The following DLG2 variants were observed in gnomAD, a reference collection of about 807,000 sequenced individuals.
DLG2 encodes discs large MAGUK scaffold protein 2, also known as disks large homolog 2.
In DLG2, 45 loss-of-function variants were observed where a neutral mutation model predicts 132.5. The ratio of observed to expected loss-of-function variants is 0.34; its 90% CI spans 0.27 to 0.44. The LOEUF is 0.44. DLG2 is among the 20% of genes least tolerant of loss of function. The pLI is 1.00. For synonymous variants in DLG2, 424 were observed against 419.6 expected, an observed-to-expected ratio of 1.01 and a Z score of -0.13; for missense variants, 1,045 against 1,196.9, an observed-to-expected ratio of 0.87 and a Z score of 1.87.
At chr11:83,709,796 G>A (rs997588448) in intron 18 of DLG2, among the ~76,000 whole-genome samples, 2 of 152,158 alleles carry the variant, frequency 1.3e-5, no homozygotes, top group African/African-American at 4.8e-5. Context: ...AGTAACAATG[G>A]CACTTGACCT....
intron 6 of DLG2, among the ~76,000 whole-genome samples, chr11:84,593,007 T>A (rs942623295): frequency 8.6e-6 from 1 of 116,164 alleles, no homozygotes; most frequent in African/African-American, 3.3e-5. Flanking sequence ...TAGTCCCAGC[T>A]CCTCGGGAGG....
intron 7 of DLG2, among the ~76,000 whole-genome samples, chr11:84,520,346 G>A (rs573157017): frequency 9.2e-5 from 14 of 152,208 alleles, no homozygotes; most frequent in African/African-American, 3.4e-4. Context: ...ATTTGACATG[G>A]TTTTAATAGC....
At chr11:84,670,607 C>T (rs1254521578) in intron 6 of DLG2, among the ~76,000 whole-genome samples, 2 of 152,146 alleles carry the variant, frequency 1.3e-5, no homozygotes, top group East Asian at 1.9e-4. Flanking sequence ...AACAACAATA[C>T]AAACCACTAT....
At chr11:83,587,880 G>A (rs879905527) in intron 19 of DLG2, among the ~76,000 whole-genome samples, 13 of 152,290 alleles carry the variant, frequency 8.5e-5, no homozygotes, top group South Asian at 2.1e-4. Flanking sequence ...AAGGGGTGAC[G>A]GACGGCACCT....
At chr11:84,297,113 G>C (rs2098099893) in intron 7 of DLG2, among the ~76,000 whole-genome samples, 2 of 141,418 alleles carry the variant, frequency 1.4e-5, no homozygotes, top group South Asian at 4.5e-4. Context: ...CCCATGTGAG[G>C]TAACCTCAAA....
intron 6 of DLG2, among the ~76,000 whole-genome samples, chr11:84,943,608 G>A (rs979300160): frequency 6.6e-6 from 1 of 152,068 alleles, no homozygotes; most frequent in Non-Finnish European, 1.5e-5. Flanking sequence ...GGAGCAAAAA[G>A]AAAACTAATG....
At chr11:85,027,402 G>A (rs541115386) in intron 6 of DLG2, among the ~76,000 whole-genome samples, 18 of 152,190 alleles carry the variant, frequency 1.2e-4, no homozygotes, top group South Asian at 2.1e-4. Flanking sequence ...TTGGGATGTC[G>A]ATTTGCCAGC....
At chr11:85,184,412 C>T (rs772569397) in intron 4 of DLG2, among the ~76,000 whole-genome samples, 23 of 149,376 alleles carry the variant, frequency 1.5e-4, no homozygotes, top group Non-Finnish European at 2.4e-4. Flanking sequence ...AGGTTTCATT[C>T]GTTGCAATAA....
At chr11:84,140,952 G>A (rs1003877577) in intron 9 of DLG2, among the ~76,000 whole-genome samples, 3 of 151,952 alleles carry the variant, frequency 2.0e-5, no homozygotes, top group Non-Finnish European at 2.9e-5. Context: ...TATGTGACCC[G>A]GGACAAATGT....
chr11:85,481,058 A>G (rs1459032842), intron 3 of DLG2, among the ~76,000 whole-genome samples: 5 of 152,138 alleles, frequency 3.3e-5, no homozygotes, highest in Admixed American at 2.6e-4. Flanking sequence ...CATATGTAAA[A>G]TCATATAAAC....
At chr11:84,195,320 C>T (rs1468612064) in intron 8 of DLG2, among the ~76,000 whole-genome samples, 3 of 152,136 alleles carry the variant, frequency 2.0e-5, no homozygotes, top group South Asian at 2.1e-4. Flanking sequence ...CACGCCACCA[C>T]GTCCAGGTAA....
intron 4 of DLG2, among the ~76,000 whole-genome samples, chr11:85,190,689 C>T (rs916315167): frequency 1.3e-5 from 2 of 152,078 alleles, no homozygotes; most frequent in Admixed American, 1.3e-4. Context: ...TTAACATCAA[C>T]CCCACAGAAA....
intron 6 of DLG2, among the ~76,000 whole-genome samples, chr11:84,722,389 A>G (rs1214209170): frequency 6.6e-6 from 1 of 152,214 alleles, no homozygotes; most frequent in Non-Finnish European, 1.5e-5. Context: ...TCCTCCTTAG[A>G]AAGTTTAAAT....
At chr11:85,272,145 G>A (rs917535574) in intron 4 of DLG2, among the ~76,000 whole-genome samples, 1 of 152,170 alleles carries the variant, frequency 6.6e-6, no homozygotes, top group East Asian at 1.9e-4. Context: ...TCTCATGATA[G>A]TGAATAGGTC....
chr11:83,561,806 A>G (rs908990419), intron 19 of DLG2, among the ~76,000 whole-genome samples: 8 of 152,060 alleles, frequency 5.3e-5, no homozygotes, highest in African/African-American at 1.9e-4. Flanking sequence ...ACTAATAAGT[A>G]CCAGGTAGGG....
chr11:84,756,108 A>T (rs1034605605), intron 6 of DLG2, among the ~76,000 whole-genome samples: 3 of 152,224 alleles, frequency 2.0e-5, no homozygotes, highest in East Asian at 3.9e-4. Flanking sequence ...AAAAAATCAT[A>T]AAAAAAATTT....
intron 6 of DLG2, among the ~76,000 whole-genome samples, chr11:84,849,555 T>C (rs1478521795): frequency 1.3e-5 from 2 of 152,114 alleles, no homozygotes; most frequent in African/African-American, 4.8e-5. Context: ...TGTTCTGCCA[T>C]AGTCTTTGCA....
intron 8 of DLG2, among the ~76,000 whole-genome samples, chr11:84,203,613 A>G (rs893076809): frequency 1.3e-5 from 2 of 150,914 alleles, no homozygotes; most frequent in Non-Finnish European, 3.0e-5. Flanking sequence ...ATGAGATCAT[A>G]TCCTTTGCAG....
At chr11:84,465,292 T>C (rs978950221) in intron 7 of DLG2, among the ~76,000 whole-genome samples, 2 of 151,248 alleles carry the variant, frequency 1.3e-5, no homozygotes, top group Admixed American at 6.6e-5. Context: ...ACCGGGAAAG[T>C]TGCCAGGACC....
Sources: allele counts gnomAD v4.1 joint callset (sites outside exome capture counted in the v4.1 genomes callset), GRCh38; gene constraint gnomAD v4.1.1; transcripts MANE v1.5; gene names NCBI Gene and HGNC (gene_info 2026-07-23, HGNC 2026-07-21).